Variants in SLC25A24 observed in about 807,000 individuals in gnomAD.
The protein encoded by SLC25A24 is mitochondrial adenyl nucleotide antiporter SLC25A24.
SLC25A24 carries 49 observed loss-of-function variants against 60.7 expected under a neutral mutation model. The observed-to-expected ratio is 0.81, with a 90% CI of 0.64 to 1.02. The LOEUF (loss-of-function observed/expected upper bound fraction) is 1.02. Among genes scored for constraint, SLC25A24 ranks in the 50% least tolerant of loss-of-function variants. The pLI is 0.00. For missense variants in SLC25A24, 564 were observed against 586.3 expected, an observed-to-expected ratio of 0.96 and a Z score of 0.39; for synonymous variants, 202 against 200.6, an observed-to-expected ratio of 1.01 and a Z score of -0.06.
At chr1:108,160,871 G>A (rs867455891) in intron 4 of SLC25A24, among the ~76,000 whole-genome samples, 46 of 152,204 alleles carry the variant, frequency 3.0e-4, no homozygotes, top group Admixed American at 7.2e-4. Context: ...AATCAGGCAG[G>A]GAGGTTGCAG....
At chr1:108,151,926 G>T (rs1383391236) in intron 6 of SLC25A24, among the ~76,000 whole-genome samples, 1 of 152,086 alleles carries the variant, frequency 6.6e-6, no homozygotes, top group East Asian at 1.9e-4. Flanking sequence ...GAGTTCTGTT[G>T]ATTCTACTTC....
intron 7 of SLC25A24, among the ~76,000 whole-genome samples, chr1:108,145,434 A>G (rs1679560037): frequency 6.6e-6 from 1 of 152,010 alleles, no homozygotes; most frequent in African/African-American, 2.4e-5. Context: ...CCATTTGTCA[A>G]TTTTGGCTTT....
chr1:108,189,689 G>A (rs1472899313), intron 1 of SLC25A24, among the ~76,000 whole-genome samples: 2 of 151,580 alleles, frequency 1.3e-5, no homozygotes, highest in Non-Finnish European at 2.9e-5. Flanking sequence ...GGTGGCACAC[G>A]CCTGTAGTCC....
intron 4 of SLC25A24, among the ~76,000 whole-genome samples, chr1:108,159,732 T>C (rs1680004810): frequency 6.6e-6 from 1 of 151,782 alleles, no homozygotes; most frequent in Non-Finnish European, 1.5e-5. Context: ...CCTTAATCCA[T>C]TTAACCCTGA....
chr1:108,155,818 T>C (rs1442575426), intron 5 of SLC25A24, among the ~76,000 whole-genome samples: 1 of 152,150 alleles, frequency 6.6e-6, no homozygotes, highest in East Asian at 1.9e-4. Context: ...GATGTGGTAG[T>C]CACTTAAAAA....
chr1:108,199,054 A>G (rs1019249384), intron 1 of SLC25A24: 1 of 152,262 alleles, frequency 6.6e-6, no homozygotes, highest in Admixed American at 6.5e-5. Context: ...ATCATCGGTG[A>G]GTATTATGAA....
Position 108,139,132 on chromosome 1 carries a change from C to A in SLC25A24, c.1175G>T (p.Gly392Val). 1 of 1,611,288 alleles carries A rather than the reference C, an allele frequency of 6.2e-7. No individual in the cohort carries two copies. The highest frequency in any genetic ancestry group is 8.5e-7 in the Non-Finnish European group (1 of 1,178,700). ...NPGVMVLLGC[G>V]ALSSTCGQLA... ...CTGACCACAGGTGCTGGATAAGGCA[C>A]CGCATCCCAGCAACACCATGACTCC... Residue 392 changes from glycine (G) to valine (V), a missense_variant, in exon 9 of 10, where the codon GGT becomes GTT. By Grantham distance (109) the Gly-to-Val change is moderately radical. Transcript: ENST00000565488.
At chr1:108,143,845 T>TGAAAGAGAATGTA in intron 7 of SLC25A24, 135 bp from the exon 8 acceptor site, 1 of 705,484 alleles carries the variant, frequency 1.4e-6, no homozygotes, top group Non-Finnish European at 2.3e-6. Context: ...TGTTGATACA[T>TGAAAGAGAATGTA]TCTCTTTCAT....
At position 108,155,042 on chromosome 1, in the gene SLC25A24, C is replaced by T; in HGVS notation, c.763G>A (p.Gly255Ser). The stretch of plus-strand genomic sequence containing the variant: ...GGAGCAATTTTGATGACGTTTGTAC[C>T]ATTTCCCCTCCAAAGCGAGCGGATA... ...GGIRSLWRGN[G>S]TNVIKIAPET... The change falls in exon 6 of 10, where the codon GGT (glycine) becomes AGT (serine). Residue 255 changes from glycine to serine, a missense_variant. By Grantham distance (56) the Gly-to-Ser change is moderately conservative. Coordinates refer to ENST00000565488, the MANE Select transcript of SLC25A24 (RefSeq NM_013386.5). 2 of 1,612,796 alleles carry T rather than the reference C, an allele frequency of 1.2e-6. No homozygotes were observed. The highest frequency in any genetic ancestry group is 1.7e-6 in the Non-Finnish European group (2 of 1,179,334).
intron 3 of SLC25A24, among the ~76,000 whole-genome samples, chr1:108,173,216 T>A (rs560366093): frequency 2.6e-5 from 4 of 152,276 alleles, no homozygotes; most frequent in African/African-American, 7.2e-5. Flanking sequence ...AAATCTCATC[T>A]TGAGTTGTAG....
intron 4 of SLC25A24, among the ~76,000 whole-genome samples, chr1:108,160,262 C>T (rs2101617307): frequency 6.6e-6 from 1 of 150,894 alleles, no homozygotes; most frequent in African/African-American, 2.4e-5. Flanking sequence ...GAGGCGCTCC[C>T]CACATCTCAG....
intron 6 of SLC25A24, among the ~76,000 whole-genome samples, chr1:108,153,025 G>A (rs1191010847): frequency 6.6e-6 from 1 of 152,174 alleles, no homozygotes; most frequent in Non-Finnish European, 1.5e-5. Context: ...TGGCCATATT[G>A]AGTGGGAGGC....
In SLC25A24 at chr1:108,192,823, C is replaced by A. The variant is rs567915731; in HGVS notation, c.184-6869G>T. The stretch of plus-strand genomic sequence containing the variant: ...AGGGCTCATCCTAACGGCTTCAGCG[C>A]AAAGGCGCGAGCGCGCAGGACCCGG... On this transcript the variant is annotated intron_variant, in intron 1 of 9. Coordinates refer to ENST00000565488, the MANE Select transcript of SLC25A24 (RefSeq NM_013386.5). 2.8e-5 allele frequency: 34 copies of A among 1,219,114 alleles called. 10 individuals carry two copies. The South Asian group carries it at 6.7e-4, about 24-fold the overall frequency. The allele number at this position is 1,219,114 out of a possible 1,614,324, so 75.5% of individuals were successfully genotyped here.
intron 9 of SLC25A24, among the ~76,000 whole-genome samples, chr1:108,138,610 T>A (rs1411181335): frequency 6.6e-6 from 1 of 152,084 alleles, no homozygotes; most frequent in Non-Finnish European, 1.5e-5. Context: ...AAAAAATGAT[T>A]CCAACCACCA....
At chr1:108,177,194 C>T (rs1647705195) in intron 3 of SLC25A24, among the ~76,000 whole-genome samples, 1 of 151,810 alleles carries the variant, frequency 6.6e-6, no homozygotes. Context: ...TTAAAATAAA[C>T]TATTATAACT....
chr1:108,142,930 C>A (rs57437336), intron 8 of SLC25A24, among the ~76,000 whole-genome samples: 3 of 152,030 alleles, frequency 2.0e-5, no homozygotes, highest in Non-Finnish European at 4.4e-5. Flanking sequence ...TCTTCCTCTA[C>A]GCTGTAGCTT....
At chr1:108,163,612 G>A (rs1340636706) in intron 3 of SLC25A24, among the ~76,000 whole-genome samples, 2 of 152,076 alleles carry the variant, frequency 1.3e-5, no homozygotes, top group African/African-American at 4.8e-5. Flanking sequence ...TGGTGTATAA[G>A]AATGCTTGTG....
At chr1:108,176,495 A>G (rs981011920) in intron 3 of SLC25A24, among the ~76,000 whole-genome samples, 6 of 152,200 alleles carry the variant, frequency 3.9e-5, no homozygotes, top group African/African-American at 9.6e-5. Flanking sequence ...AACCTGGAGA[A>G]AGAGGTAAAT....
At chr1:108,165,674 A>G (rs1250965428) in intron 3 of SLC25A24, among the ~76,000 whole-genome samples, 3 of 151,750 alleles carry the variant, frequency 2.0e-5, no homozygotes, top group Non-Finnish European at 4.4e-5. Context: ...TTTTATTTTG[A>G]GTCTATGTGT....
Sources: gnomAD v4.1 joint callset for allele counts (sites outside exome capture counted in the v4.1 genomes callset) on GRCh38, gnomAD v4.1.1 for gene constraint, MANE v1.5 for transcripts, NCBI Gene and HGNC (gene_info 2026-07-23, HGNC 2026-07-21) for gene names.